The following MAP2K4 variants were observed in gnomAD, a reference collection of about 807,000 sequenced individuals.
The protein encoded by MAP2K4 is dual specificity mitogen-activated protein kinase kinase 4.
Under a neutral mutation model 48.5 loss-of-function variants are expected in MAP2K4, and 4 were observed. The ratio of observed to expected loss-of-function variants is 0.08; its 90% confidence interval spans 0.04 to 0.19. The LOEUF is 0.19. Ranked by LOEUF, MAP2K4 falls within the 10% of genes least tolerant of loss-of-function variation. The probability of loss-of-function intolerance (pLI) is 1.00; values close to 1 mark genes in which losing one functional copy is unlikely to be tolerated. For synonymous variants in MAP2K4, 166 were observed against 173.1 expected, an observed-to-expected ratio of 0.96 and a Z score of 0.32; for missense variants, 258 against 493.3, an observed-to-expected ratio of 0.52 and a Z score of 4.52.
At chr17:12,117,357 T>C (rs1972535644) in intron 7 of MAP2K4, among the ~76,000 whole-genome samples, 1 of 152,150 alleles carries the variant, frequency 6.6e-6, no homozygotes, top group African/African-American at 2.4e-5. Flanking sequence ...ATGCGATGGG[T>C]CACATTCAAA....
intron 2 of MAP2K4, among the ~76,000 whole-genome samples, chr17:12,073,757 C>T (rs1970897718): frequency 6.7e-6 from 1 of 150,218 alleles, no homozygotes; most frequent in Non-Finnish European, 1.5e-5. Flanking sequence ...GAATTTCTTC[C>T]TTCTCGTTGT....
intron 4 of MAP2K4, among the ~76,000 whole-genome samples, chr17:12,101,048 G>A (rs1050602098): frequency 1.3e-5 from 2 of 152,006 alleles, no homozygotes; most frequent in Non-Finnish European, 2.9e-5. Flanking sequence ...TTTTTGGAGA[G>A]CAAAAGTTTT....
At chr17:12,082,046 C>G in intron 3 of MAP2K4, 1 of 450,414 alleles carries the variant, frequency 2.2e-6, no homozygotes. Context: ...TCAGTACTGC[C>G]CTGTTCCCTG....
At chr17:12,079,156 A>G (rs1971109020) in intron 2 of MAP2K4, among the ~76,000 whole-genome samples, 1 of 151,232 alleles carries the variant, frequency 6.6e-6, no homozygotes, top group African/African-American at 2.4e-5. Context: ...TAGTATATTT[A>G]CAGAATTGTG....
intron 1 of MAP2K4, among the ~76,000 whole-genome samples, chr17:12,030,461 C>CA (rs1426289257): frequency 6.6e-6 from 1 of 152,160 alleles, no homozygotes; most frequent in African/African-American, 2.4e-5. Context: ...ATCCCCTTCC[C>CA]ACCTCCTTTG....
chr17:12,116,548 T>C (rs1325058100), intron 7 of MAP2K4, among the ~76,000 whole-genome samples: 1 of 152,198 alleles, frequency 6.6e-6, no homozygotes, highest in Non-Finnish European at 1.5e-5. Context: ...ACAAACACAC[T>C]GTACAGCCGT....
intron 9 of MAP2K4, 123 bp downstream of exon 9, chr17:12,129,410 C>G: frequency 9.2e-7 from 1 of 1,089,414 alleles, no homozygotes; most frequent in Admixed American, 1.9e-5. Flanking sequence ...CCCTACTTTT[C>G]AAGCTGGGAC....
At chr17:12,089,182 G>A (rs1040345247) in intron 3 of MAP2K4, among the ~76,000 whole-genome samples, 1 of 152,120 alleles carries the variant, frequency 6.6e-6, no homozygotes, top group Non-Finnish European at 1.5e-5. Context: ...AAAGTGCTGG[G>A]ATTACAGGTG....
At chr17:12,050,503 A>G (rs1279315941) in intron 1 of MAP2K4, among the ~76,000 whole-genome samples, 1 of 152,178 alleles carries the variant, frequency 6.6e-6, no homozygotes, top group East Asian at 1.9e-4. Flanking sequence ...CTCTTAATAG[A>G]GGAACTGACA....
At chr17:12,065,258 A>ATTATTAT (rs1555545189) in intron 2 of MAP2K4, among the ~76,000 whole-genome samples, 8 of 136,222 alleles carry the variant, frequency 5.9e-5, no homozygotes, top group African/African-American at 1.4e-4. Context: ...ATATATACAT[A>ATTATTAT]TATTATTATT....
chr17:12,056,339 G>C (rs1338108725), intron 2 of MAP2K4, among the ~76,000 whole-genome samples: 1 of 151,898 alleles, frequency 6.6e-6, no homozygotes, highest in Admixed American at 6.6e-5. Flanking sequence ...TCTTCCCTCT[G>C]GAGTTTCTTT....
intron 8 of MAP2K4, among the ~76,000 whole-genome samples, chr17:12,127,276 T>C (rs374073159): frequency 6.6e-6 from 1 of 152,212 alleles, no homozygotes; most frequent in African/African-American, 2.4e-5. Context: ...GATTCTTCTT[T>C]AGACAGGAGA....
At chr17:12,122,361 G>A (rs1437164118) in intron 7 of MAP2K4, among the ~76,000 whole-genome samples, 2 of 152,144 alleles carry the variant, frequency 1.3e-5, no homozygotes, top group Non-Finnish European at 2.9e-5. Context: ...TTTGGAGAAA[G>A]GCACAAACTT....
At chr17:12,083,459 T>C (rs1048326587) in intron 3 of MAP2K4, among the ~76,000 whole-genome samples, 9 of 152,354 alleles carry the variant, frequency 5.9e-5, no homozygotes, top group African/African-American at 2.2e-4. Flanking sequence ...ACCTACAAAC[T>C]GGTTGCTGTC....
chr17:12,141,018 T>C lies in MAP2K4; in HGVS notation c.1087-129T>C, dbSNP rs996499250. On this transcript the variant is annotated intron_variant, in intron 10 of 10. Transcript: ENST00000353533. ...GGCTGTACTCGCCTCTCTGAACTTG[T>C]AGTGTTGCGGTATTTCATAGCTATG... The C allele has an allele frequency of 7.1e-5, 46 of 648,770 alleles. 1 individual carries two copies. The South Asian group carries it at 8.1e-4, about 11-fold the overall frequency. The allele number at this position is 648,770 out of a possible 1,614,324, so 40.2% of individuals were successfully genotyped here.
chr17:12,137,223 A>G (rs1973237629), intron 9 of MAP2K4, among the ~76,000 whole-genome samples: 1 of 152,236 alleles, frequency 6.6e-6, no homozygotes. Flanking sequence ...CATGGAGGGT[A>G]AACATGTTAT....
At chr17:12,050,295 G>C (rs376408252) in intron 1 of MAP2K4, among the ~76,000 whole-genome samples, 1 of 152,188 alleles carries the variant, frequency 6.6e-6, no homozygotes, top group Non-Finnish European at 1.5e-5. Context: ...TTGAACTGCT[G>C]TTTTGTCTGA....
At chr17:12,032,974 T>C (rs911895582) in intron 1 of MAP2K4, among the ~76,000 whole-genome samples, 13 of 152,146 alleles carry the variant, frequency 8.5e-5, no homozygotes, top group Admixed American at 5.9e-4. Context: ...TAACTGGGAC[T>C]GCAGGTGCAT....
chr17:12,135,158 G>A (rs150566093), intron 9 of MAP2K4, among the ~76,000 whole-genome samples: 1,871 of 152,144 alleles, frequency 0.012, 19 homozygotes, highest in Non-Finnish European at 0.019. Context: ...GCATGATCTC[G>A]GCTCACCGCA....
Sources: gnomAD v4.1 joint callset for allele counts (sites outside exome capture counted in the v4.1 genomes callset) on GRCh38, gnomAD v4.1.1 for gene constraint, MANE v1.5 for transcripts, NCBI Gene and HGNC (gene_info 2026-07-23, HGNC 2026-07-21) for gene names.